The following INPP4B variants were observed in gnomAD, a reference collection of about 807,000 sequenced individuals.
The protein encoded by INPP4B is inositol polyphosphate-4-phosphatase type II B, also known as inositol polyphosphate 4-phosphatase type II.
In INPP4B, 55 loss-of-function variants were observed where a neutral mutation model predicts 122.5. That is an observed-to-expected ratio of 0.45 (90% confidence interval 0.36 to 0.56). The LOEUF is 0.56. INPP4B is among the 20% of genes least tolerant of loss of function. The probability of loss-of-function intolerance (pLI) is 0.00; values close to 1 mark genes in which losing one functional copy is unlikely to be tolerated. For missense variants in INPP4B, 1,000 were observed against 1,097.7 expected, an observed-to-expected ratio of 0.91 and a Z score of 1.26; for synonymous variants, 403 against 388.7, an observed-to-expected ratio of 1.04 and a Z score of -0.43.
intron 2 of INPP4B, among the ~76,000 whole-genome samples, chr4:142,480,757 T>C (rs550354176): frequency 1.4e-4 from 21 of 152,246 alleles, no homozygotes; most frequent in Non-Finnish European, 7.4e-5. Flanking sequence ...GACAAGAGGA[T>C]AATCAGAAGA....
chr4:142,126,721 G>T (rs1189254632), intron 18 of INPP4B, among the ~76,000 whole-genome samples: 1 of 152,042 alleles, frequency 6.6e-6, no homozygotes, highest in Non-Finnish European at 1.5e-5. Flanking sequence ...ACAAGCATTG[G>T]TTAACTGTTG....
intron 1 of INPP4B, among the ~76,000 whole-genome samples, chr4:142,814,447 A>G (rs1779879570): frequency 6.6e-6 from 1 of 152,156 alleles, no homozygotes; most frequent in South Asian, 2.1e-4. Context: ...ATAAAAATGA[A>G]AACAAAGATA....
At chr4:142,606,878 A>G (rs1741379894) in intron 2 of INPP4B, among the ~76,000 whole-genome samples, 1 of 152,040 alleles carries the variant, frequency 6.6e-6, no homozygotes, top group African/African-American at 2.4e-5. Context: ...TTTTTAAAAC[A>G]CAAAGAAAGG....
intron 2 of INPP4B, among the ~76,000 whole-genome samples, chr4:142,592,282 G>A (rs1424708934): frequency 3.9e-5 from 6 of 152,124 alleles, no homozygotes; most frequent in Non-Finnish European, 8.8e-5. Context: ...ATATACAATT[G>A]CTTTTAGAAT....
Position 142,145,852 on chromosome 4 carries a change from A to G in INPP4B, c.1708T>C (p.Ser570Pro). ...KEPSLTDAIP[S>P]HPREDWYEQL... Reference sequence around the variant, plus strand: ...AATTATTTCTTACCTCTTGGGTGAGAGGGAATGGCATCTGTTAATGAAGGT... The same window carrying G: ...AATTATTTCTTACCTCTTGGGTGAGGGGGAATGGCATCTGTTAATGAAGGT... Residue 570 changes from serine to proline, a missense_variant, in exon 18 of 26, where the codon TCT (serine) becomes CCT (proline). Ser to Pro is a moderately conservative substitution (Grantham distance 74, BLOSUM62 -1). Coordinates refer to ENST00000262992, the MANE Select transcript of INPP4B (RefSeq NM_001101669.3). The G allele has an allele frequency of 6.2e-7, 1 of 1,613,552 alleles. No homozygotes were observed. Among genetic ancestry groups the G allele is most frequent in the East Asian group, 2.2e-5 (1 of 44,860 alleles).
chr4:142,626,608 T>C (rs548468298), intron 2 of INPP4B, among the ~76,000 whole-genome samples: 5 of 152,028 alleles, frequency 3.3e-5, no homozygotes, highest in Non-Finnish European at 5.9e-5. Context: ...ATTTCAGCCT[T>C]GTGGGATCAT....
rs527762674 is a variant in INPP4B at position 142,263,705 on chromosome 4, T to A, written c.616-3141A>T. On this transcript the variant is annotated intron_variant, in intron 10 of 25. Transcript: ENST00000262992. Reference sequence around the variant, plus strand: ...AACATTGAACAATGACAAGTACTAATCACAAAAATAATGCAGAGAAAGGCG... The same window carrying A: ...AACATTGAACAATGACAAGTACTAAACACAAAAATAATGCAGAGAAAGGCG... Among the ~76,000 whole-genome samples the A allele has an allele frequency of 2.2e-4, 25 of 113,408 alleles. No individual in the cohort carries two copies. In the East Asian group the frequency reaches 6.7e-3, roughly 30 times the overall value. 74.4% of individuals were successfully genotyped at this position (113,408 alleles called of 152,430 possible).
rs560585119 is a variant in INPP4B at position 142,763,135 on chromosome 4, G to T, written c.-253-37234C>A. 3.9e-5 allele frequency among the ~76,000 whole-genome samples: 6 copies of T among 152,234 alleles called. No homozygotes were observed. In the East Asian group the frequency reaches 1.2e-3, roughly 29 times the overall value. ...ATAGCCACGTGAATGGACTACAATT[G>T]TCATCTTGGAGAAGTCCTTTAATTT... is the stretch of plus-strand genomic sequence containing the variant. On this transcript the variant is annotated intron_variant, in intron 1 of 25. Transcript: ENST00000262992.
In INPP4B at chr4:142,270,712, A is replaced by G. The variant is rs775631143; in HGVS notation, c.566T>C (p.Ile189Thr). ...GATGTGGTCGGCTTCCCCATCCTCA[A>G]TCTCCCCCATCTTCACGACACTGAC... ...IEVSVVKMGEIEDGEADHITT... is the reference protein window; with the variant it reads ...IEVSVVKMGETEDGEADHITT... Residue 189 changes from isoleucine to threonine, a missense_variant, in exon 10 of 26, where the codon ATT (isoleucine) becomes ACT (threonine). Transcript: ENST00000262992. 4 of 1,613,552 alleles carry G rather than the reference A, an allele frequency of 2.5e-6. No homozygotes were observed. In the South Asian group the frequency reaches 4.4e-5, roughly 18 times the overall value.
At chr4:142,599,634 T>C (rs576524363) in intron 2 of INPP4B, among the ~76,000 whole-genome samples, 3 of 151,520 alleles carry the variant, frequency 2.0e-5, no homozygotes, top group African/African-American at 7.3e-5. Flanking sequence ...AGCAAGAAAA[T>C]AATAACACCT....
chr4:142,228,178 AG>A (rs1187014651), intron 12 of INPP4B, among the ~76,000 whole-genome samples: 2 of 152,068 alleles, frequency 1.3e-5, no homozygotes, highest in African/African-American at 4.8e-5. Context: ...TAGAAATAAA[AG>A]CAGCATGCAG....
At chr4:142,098,604 G>T (rs1234575887) in intron 23 of INPP4B, among the ~76,000 whole-genome samples, 4 of 152,070 alleles carry the variant, frequency 2.6e-5, no homozygotes, top group Non-Finnish European at 5.9e-5. Context: ...TTTGGAAGTG[G>T]AGCCAGTAAG....
chr4:142,732,525 CAAG>C (rs1190873139), intron 1 of INPP4B, among the ~76,000 whole-genome samples: 2 of 151,682 alleles, frequency 1.3e-5, no homozygotes, highest in African/African-American at 4.8e-5. Flanking sequence ...AGTTATTTTA[CAAG>C]AACAAATTAT....
At chr4:142,453,675 T>C (rs1033776439) in intron 3 of INPP4B, among the ~76,000 whole-genome samples, 1 of 152,178 alleles carries the variant, frequency 6.6e-6, no homozygotes, top group African/African-American at 2.4e-5. Context: ...TGCATACACA[T>C]AATGCATCTT....
At chr4:142,123,775 G>C (rs1203500665) in intron 19 of INPP4B, among the ~76,000 whole-genome samples, 2 of 152,010 alleles carry the variant, frequency 1.3e-5, no homozygotes, top group African/African-American at 4.8e-5. Flanking sequence ...TCATTTCACA[G>C]GGTCATTAAA....
chr4:142,763,027 T>G (rs1169770444), intron 1 of INPP4B, among the ~76,000 whole-genome samples: 1 of 152,178 alleles, frequency 6.6e-6, no homozygotes, highest in Non-Finnish European at 1.5e-5. Context: ...CCGAATCTAC[T>G]GCTGCCTTCA....
intron 1 of INPP4B, among the ~76,000 whole-genome samples, chr4:142,771,764 AGCAAACAACTGTTACCAGTATTCT>A (rs897214357): frequency 2.6e-5 from 4 of 152,112 alleles, no homozygotes; most frequent in African/African-American, 9.7e-5. Context: ...CAACCAACTA[AGCAAACAACTGTTACCAGTATTCT>A]GCAAGGATTA....
intron 7 of INPP4B, among the ~76,000 whole-genome samples, chr4:142,374,358 T>C (rs954217960): frequency 3.9e-5 from 6 of 151,938 alleles, no homozygotes; most frequent in Admixed American, 2.6e-4. Flanking sequence ...TTTTTTCTTA[T>C]AACTTTTCTT....
At chr4:142,694,368 T>A (rs1361569989) in intron 2 of INPP4B, among the ~76,000 whole-genome samples, 5 of 142,212 alleles carry the variant, frequency 3.5e-5, no homozygotes, top group African/African-American at 1.3e-4. Context: ...ACGAGACTCG[T>A]CTCAAAAAAA....
Sources: allele counts gnomAD v4.1 joint callset (sites outside exome capture counted in the v4.1 genomes callset), GRCh38; gene constraint gnomAD v4.1.1; transcripts MANE v1.5; gene names NCBI Gene and HGNC (gene_info 2026-07-23, HGNC 2026-07-21).